Variants in AMN observed in about 807,000 individuals in gnomAD.
AMN encodes protein amnionless.
In AMN, 40 loss-of-function variants were observed where a neutral mutation model predicts 49.1. That is an observed-to-expected ratio of 0.81 (90% CI 0.63 to 1.06). AMN has a LOEUF of 1.06. Ranked by LOEUF, AMN falls within the 50% of genes least tolerant of loss-of-function variation. The probability of loss-of-function intolerance (pLI) is 0.00; values close to 1 mark genes in which losing one functional copy is unlikely to be tolerated. For missense variants in AMN, 701 were observed against 662.8 expected (o/e 1.06, Z -0.63); for synonymous variants, 380 against 313.3 (o/e 1.21, Z -2.25).
chr14:102,928,566 G>A, intron 4 of AMN, 53 bp downstream of exon 4: 1 of 1,559,504 alleles, frequency 6.4e-7, no homozygotes, highest in Non-Finnish European at 8.6e-7. Context: ...CAGGGGCGGG[G>A]ACTGGAGGGA....
At chr14:102,929,362 G>A in intron 6 of AMN, 66 bp from the exon 7 acceptor site, 12 of 1,512,386 alleles carry the variant, frequency 7.9e-6, no homozygotes, top group Non-Finnish European at 1.1e-5. Flanking sequence ...TTGCTTCTCG[G>A]AGGCATCGCC....
In AMN at chr14:102,929,259, G is replaced by A; in HGVS notation, c.651+1G>A. 2 of 1,476,530 alleles carry A rather than the reference G, an allele frequency of 1.4e-6. No individual in the cohort carries two copies. The highest frequency in any genetic ancestry group is 1.8e-6 in the Non-Finnish European group (2 of 1,124,792). The allele number at this position is 1,476,530 out of a possible 1,614,324, so 91.5% of individuals were successfully genotyped here. A position where few individuals can be genotyped will look rare whatever the true frequency, so the allele number is the denominator to read the frequency against. The stretch of plus-strand genomic sequence containing the variant: ...GGGCTGCGTCTGCGGCAACGCGGAG[G>A]TGAGCGAGGCCGCAGTGGAGTCGCG... On this transcript the variant is annotated splice_donor_variant, in intron 6 of 11. Transcript: ENST00000299155. LOFTEE classifies it high-confidence loss of function.
intron 3 of AMN, among the ~76,000 whole-genome samples, chr14:102,926,680 G>T (rs965361101): frequency 7.0e-6 from 1 of 143,328 alleles, no homozygotes; most frequent in Non-Finnish European, 1.5e-5. Flanking sequence ...TCTGCCTCCC[G>T]GGCTCAAGCG....
chr14:102,927,518 C>A (rs567970367), intron 3 of AMN, among the ~76,000 whole-genome samples: 1 of 152,362 alleles, frequency 6.6e-6, no homozygotes, highest in South Asian at 2.1e-4. Context: ...GGCAGTGCCA[C>A]ACCCTCAGGT....
At chr14:102,929,004 T>G (rs755102082) in intron 5 of AMN, 29 bp downstream of exon 5, 2 of 1,594,832 alleles carry the variant, frequency 1.3e-6, no homozygotes, top group Non-Finnish European at 1.7e-6. Flanking sequence ...GAGGCTCGGG[T>G]CCCCTCTCCC....
Position 102,930,175 on chromosome 14 carries a change from C to G in AMN, c.1017C>G (p.Leu339=). Residue 339 remains leucine, a synonymous_variant, in exon 10 of 12, where the codon CTC becomes CTG. Transcript: ENST00000299155. ...LADVAENGEA[L]GVLEATMRES... The stretch of plus-strand genomic sequence containing the variant: ...GCCCCTCCGTCGCAGGCGAGGCCCT[C>G]GGCGTCCTGGAGGCGACCATGCGGG... 2 of 1,487,294 alleles carry G rather than the reference C, an allele frequency of 1.3e-6. No homozygotes were observed. The highest frequency in any genetic ancestry group is 1.8e-6 in the Non-Finnish European group (2 of 1,125,692). The allele number at this position is 1,487,294 out of a possible 1,614,324, so 92.1% of individuals were successfully genotyped here.
chr14:102,929,590 G>T, intron 7 of AMN, 54 bp downstream of exon 7: 1 of 1,546,162 alleles, frequency 6.5e-7, no homozygotes, highest in Admixed American at 2.0e-5. Flanking sequence ...GACCAGGTTC[G>T]TCCCCCGCCT....
At chr14:102,927,659 C>G (rs1462944934) in intron 3 of AMN, among the ~76,000 whole-genome samples, 1 of 152,212 alleles carries the variant, frequency 6.6e-6, no homozygotes, top group South Asian at 2.1e-4. Context: ...GAGCCCCTCA[C>G]AACCTGGCAG....
intron 8 of AMN, 74 bp from the exon 9 acceptor site, chr14:102,929,850 C>T (rs995278041): frequency 7.8e-6 from 12 of 1,546,678 alleles, no homozygotes; most frequent in African/African-American, 2.7e-5. Flanking sequence ...CACTATCTGC[C>T]TCTGCCCTTA....
At position 102,930,824 on chromosome 14, in the gene AMN, A is replaced by C; in HGVS notation, c.*144A>C. 1 of 947,578 alleles carries C rather than the reference A, an allele frequency of 1.1e-6. No homozygotes were observed. Among genetic ancestry groups the C allele is most frequent in the Non-Finnish European group, 1.6e-6 (1 of 618,528 alleles). 58.7% of individuals were successfully genotyped at this position (947,578 alleles called of 1,614,324 possible). On this transcript the variant is annotated 3_prime_UTR_variant, in exon 12 of 12. Transcript: ENST00000299155. ...GGCCAAGGACAGGGTGGCCTTACTC[A>C]GTAAAGGTGTTTCCTGCACCTGCTG...
chr14:102,930,245 G>A lies in AMN; in HGVS notation c.1087G>A (p.Gly363Ser). Residue 363 changes from glycine (G) to serine (S), a missense_variant, in exon 10 of 12, where the codon GGC (glycine) becomes AGC (serine). Transcript: ENST00000299155. ...VWGSSAAGLA[G>S]GVAAAVLLAL... ...GGGCAGCTCCGCGGCTGGGCTGGCG[G>A]GCGGCGTGGCGGCTGCCGTGCTGCT... The A allele has an allele frequency of 2.2e-6, 3 of 1,380,124 alleles. No homozygotes were observed. Among genetic ancestry groups the A allele is most frequent in the Non-Finnish European group, 2.8e-6 (3 of 1,069,390 alleles). 85.5% of individuals were successfully genotyped at this position (1,380,124 alleles called of 1,614,324 possible).
At chr14:102,924,027 C>G in intron 3 of AMN, 48 bp downstream of exon 3, 1 of 1,612,734 alleles carries the variant, frequency 6.2e-7, no homozygotes, top group Non-Finnish European at 8.5e-7. Context: ...CACAGAGTCT[C>G]TGAAGCGCCT....
chr14:102,923,484 G>A (rs373726815), intron 1 of AMN: 16 of 554,154 alleles, frequency 2.9e-5, no homozygotes, highest in South Asian at 2.0e-4. Context: ...GGGCGCGTTT[G>A]AGCGGGCTCT....
intron 2 of AMN, 31 bp from the exon 3 acceptor site, chr14:102,923,904 C>A (rs1891127745): frequency 6.2e-7 from 1 of 1,613,068 alleles, no homozygotes; most frequent in Non-Finnish European, 8.5e-7. Context: ...GGGGTTGCTC[C>A]CGGCTCGGCT....
At position 102,923,756 on chromosome 14, in the gene AMN, T is replaced by G; in HGVS notation, c.89T>G (p.Phe30Cys). 6.2e-7 allele frequency: 1 copy of G among 1,612,732 alleles called. No homozygotes were observed. Among genetic ancestry groups the G allele is most frequent in the Non-Finnish European group, 8.5e-7 (1 of 1,179,848 alleles). ...AAACTCTGGGTCCCCAACACGGACT[T>G]CGACGTCGCAGCCAACTGGAGCCAG... Reference protein sequence around the residue: ...VSKLWVPNTDFDVAANWSQNR... With the variant: ...VSKLWVPNTDCDVAANWSQNR... Residue 30 changes from phenylalanine (F) to cysteine (C), a missense_variant, in exon 2 of 12, where the codon TTC (phenylalanine) becomes TGC (cysteine). Phe to Cys is a radical substitution (Grantham distance 205). Coordinates refer to ENST00000299155, the MANE Select transcript of AMN (RefSeq NM_030943.4).
chr14:102,927,446 AGCTATGACACATTCCGTCCCCACG>A (rs1461139421), intron 3 of AMN, among the ~76,000 whole-genome samples: 1 of 152,078 alleles, frequency 6.6e-6, no homozygotes, highest in Non-Finnish European at 1.5e-5. Context: ...AGGCGCTTTG[AGCTATGACACATTCCGTCCCCACG>A]GCTCCACCTC....
chr14:102,922,899 G>A (rs1471160214), intron 1 of AMN, 168 bp downstream of exon 1: 10 of 991,504 alleles, frequency 1.0e-5, no homozygotes, highest in Admixed American at 4.9e-5. Context: ...TCTGGCGAGT[G>A]CGCAGCCCGG....
Position 102,929,968 on chromosome 14 carries a change from C to G in AMN, c.888C>G (p.Arg296=). The part of the protein sequence containing the change: ...GLQVAVSKVP[R]SSRLREADTE... ...AGGTGGCCGTGTCCAAGGTGCCACG[C>G]TCGTCCCGGCTCCGTGAGGCCGATA... The change falls in exon 9 of 12, where the codon CGC becomes CGG. Residue 296 remains arginine (R), a synonymous_variant. Transcript: ENST00000299155. 1.3e-5 allele frequency: 20 copies of G among 1,564,112 alleles called. No homozygotes were observed. Among genetic ancestry groups the G allele is most frequent in the Non-Finnish European group, 1.7e-5 (20 of 1,155,342 alleles).
chr14:102,928,403 G>A (rs759230660), intron 3 of AMN, 23 bp from the exon 4 acceptor site: 37 of 1,569,688 alleles, frequency 2.4e-5, no homozygotes, highest in Non-Finnish European at 3.1e-5. Flanking sequence ...GCGTGGCGCC[G>A]CCTCAGCCCG....
Sources: gnomAD v4.1 joint callset for allele counts (sites outside exome capture counted in the v4.1 genomes callset) on GRCh38, gnomAD v4.1.1 for gene constraint, MANE v1.5 for transcripts, NCBI Gene and HGNC (gene_info 2026-07-23, HGNC 2026-07-21) for gene names.